LZTFL1: variants seen among roughly 807,000 people sequenced by gnomAD.
LZTFL1 encodes leucine zipper transcription factor like 1.
A neutral mutation model predicts 45.9 loss-of-function variants in LZTFL1; 25 were observed. The observed-to-expected ratio is 0.54, with a 90% CI of 0.40 to 0.76. The LOEUF is 0.76. Ranked by LOEUF, LZTFL1 falls within the 30% of genes least tolerant of loss-of-function variation. The probability of loss-of-function intolerance (pLI) is 0.00; values close to 1 mark genes in which losing one functional copy is unlikely to be tolerated. For synonymous variants in LZTFL1, 93 were observed against 117.4 expected (o/e 0.79, Z 1.35); for missense variants, 277 against 331.1 (o/e 0.84, Z 1.27).
chr3:45,844,899 A>T (rs1264506660), upstream of LZTFL1, among the ~76,000 whole-genome samples: 1 of 152,196 alleles, frequency 6.6e-6, no homozygotes, highest in Non-Finnish European at 1.5e-5. Flanking sequence ...TTCACCATAA[A>T]ATACAACTCC....
chr3:45,827,175 C>T, intron 9 of LZTFL1, 181 bp downstream of exon 9: 1 of 572,982 alleles, frequency 1.7e-6, no homozygotes, highest in Non-Finnish European at 3.1e-6. Flanking sequence ...AAAAGAAGCC[C>T]TGGTGGGCAT....
intron 5 of LZTFL1, among the ~76,000 whole-genome samples, chr3:45,831,528 C>A (rs893383848): frequency 6.6e-6 from 1 of 152,196 alleles, no homozygotes; most frequent in African/African-American, 2.4e-5. Context: ...TCCTTCACTT[C>A]AGTACCATGC....
chr3:45,883,810 A>G (rs1244585840), intron 2 of LZTFL1: 9 of 537,150 alleles, frequency 1.7e-5, no homozygotes, highest in Non-Finnish European at 3.1e-5. Context: ...CAAGACCATG[A>G]AGAGTGAGAG....
At chr3:45,881,874 T>C (rs757518132) in intron 2 of LZTFL1, among the ~76,000 whole-genome samples, 10 of 152,226 alleles carry the variant, frequency 6.6e-5, no homozygotes, top group Admixed American at 2.0e-4. Flanking sequence ...GAGGTAGAAA[T>C]ATTAGCTGCT....
intron 7 of LZTFL1, 120 bp from the exon 8 acceptor site, chr3:45,828,735 A>G: frequency 2.3e-6 from 2 of 880,028 alleles, no homozygotes; most frequent in Admixed American, 2.6e-5. Context: ...TGTGCATGCC[A>G]GCCTCCCTTG....
chr3:45,877,185 G>A (rs1018859974), intron 2 of LZTFL1, among the ~76,000 whole-genome samples: 4 of 151,794 alleles, frequency 2.6e-5, no homozygotes, highest in African/African-American at 9.7e-5. Context: ...TTCCAGTAGG[G>A]CTTCTCAGAA....
intron 3 of LZTFL1, among the ~76,000 whole-genome samples, chr3:45,856,136 T>C (rs1433536566): frequency 1.3e-5 from 2 of 151,888 alleles, no homozygotes; most frequent in African/African-American, 4.8e-5. Context: ...TTTCAAACTA[T>C]ACTACAAGGC....
chr3:45,826,048 C>A lies in LZTFL1; in HGVS notation c.*266G>T, dbSNP rs1242744675. The A allele has an allele frequency of 1.8e-5, 7 of 389,440 alleles. No individual in the cohort carries two copies. In the South Asian group the frequency reaches 3.6e-4, roughly 20 times the overall value. 24.1% of individuals were successfully genotyped at this position (389,440 alleles called of 1,614,324 possible). ...CCTCTTCTTCCCACTCTAAAAATCT[C>A]TTCTTTGCTGTAAAGAATTCTCAGT... On this transcript the variant is annotated 3_prime_UTR_variant, in exon 10 of 10. Coordinates refer to ENST00000296135, the MANE Select transcript of LZTFL1 (RefSeq NM_020347.4).
At chr3:45,912,954 G>A (rs1702826175) in intron 2 of LZTFL1, among the ~76,000 whole-genome samples, 1 of 152,222 alleles carries the variant, frequency 6.6e-6, no homozygotes, top group South Asian at 2.1e-4. Context: ...AAGGTCTGAA[G>A]GTCAAGGGCT....
chr3:45,915,494 G>A (rs1400435155), exon 1 of LZTFL1: 3 of 456,446 alleles, frequency 6.6e-6, no homozygotes, highest in Non-Finnish European at 1.3e-5. Context: ...AGTCGGCCTT[G>A]GGAGCAGAAA....
chr3:45,889,927 T>C (rs1241215921), intron 2 of LZTFL1, among the ~76,000 whole-genome samples: 1 of 151,580 alleles, frequency 6.6e-6, no homozygotes, highest in Non-Finnish European at 1.5e-5. Context: ...TTTGTGAGAA[T>C]ACCAGTAGGG....
At chr3:45,841,617 C>T (rs560399832) in intron 1 of LZTFL1, 1 of 319,770 alleles carries the variant, frequency 3.1e-6, no homozygotes, top group South Asian at 5.4e-5. Context: ...TGTGCGTAAA[C>T]TTGGAGCTTC....
chr3:45,851,383 C>A (rs112651385), intron 4 of LZTFL1, among the ~76,000 whole-genome samples: 1 of 151,890 alleles, frequency 6.6e-6, no homozygotes, highest in African/African-American at 2.4e-5. Flanking sequence ...CCTGCCACCA[C>A]GCCCAGCTCA....
At chr3:45,874,241 A>C (rs1008442943) in intron 2 of LZTFL1, among the ~76,000 whole-genome samples, 2 of 152,154 alleles carry the variant, frequency 1.3e-5, no homozygotes, top group African/African-American at 4.8e-5. Context: ...CTATTTCATG[A>C]AAATGATAGC....
intron 4 of LZTFL1, among the ~76,000 whole-genome samples, chr3:45,851,540 A>G (rs1404007588): frequency 6.6e-6 from 1 of 151,862 alleles, no homozygotes; most frequent in African/African-American, 2.4e-5. Flanking sequence ...TGATCTTCGA[A>G]ACTTCTATTT....
chr3:45,861,770 C>T (rs919242463), intron 2 of LZTFL1, among the ~76,000 whole-genome samples: 3 of 152,172 alleles, frequency 2.0e-5, no homozygotes, highest in African/African-American at 7.2e-5. Context: ...TCTTAGGCTT[C>T]ATAACTTACG....
intron 4 of LZTFL1, among the ~76,000 whole-genome samples, chr3:45,853,069 C>A (rs182584668): frequency 6.6e-6 from 1 of 152,128 alleles, no homozygotes; most frequent in African/African-American, 2.4e-5. Flanking sequence ...GAGACCGAGG[C>A]CTTTCACACT....
At chr3:45,913,891 A>T (rs981569081) in intron 1 of LZTFL1, among the ~76,000 whole-genome samples, 4 of 152,212 alleles carry the variant, frequency 2.6e-5, no homozygotes, top group African/African-American at 9.7e-5. Flanking sequence ...CCACTCAGAA[A>T]TGATCTGCCA....
At chr3:45,887,283 G>T (rs985877018) in intron 2 of LZTFL1, among the ~76,000 whole-genome samples, 1 of 151,948 alleles carries the variant, frequency 6.6e-6, no homozygotes, top group African/African-American at 2.4e-5. Flanking sequence ...GTGAGGTTGT[G>T]TTACAGAGAA....
Sources: gnomAD v4.1 joint callset for allele counts (sites outside exome capture counted in the v4.1 genomes callset) on GRCh38, gnomAD v4.1.1 for gene constraint, MANE v1.5 for transcripts, NCBI Gene and HGNC (gene_info 2026-07-23, HGNC 2026-07-21) for gene names.